SULF1: variants seen among roughly 807,000 people sequenced by gnomAD.
SULF1 encodes the protein sulfatase 1, also known as extracellular sulfatase Sulf-1.
Under a neutral mutation model 110.5 loss-of-function variants are expected in SULF1, and 46 were observed. The observed-to-expected ratio is 0.42, with a 90% CI of 0.33 to 0.53. SULF1 has a LOEUF of 0.53. SULF1 is among the 20% of genes least tolerant of loss of function. SULF1 has a pLI of 0.12. For missense variants in SULF1, 941 were observed against 1,094.2 expected, an observed-to-expected ratio of 0.86 and a Z score of 1.98; for synonymous variants, 371 against 387.1, an observed-to-expected ratio of 0.96 and a Z score of 0.49.
At position 69,494,447 on chromosome 8, in the gene SULF1, CT is replaced by C. The variant is rs536345490; in HGVS notation, c.-390-1311del. ...CATGGGAAATATTATAAAATTATGTCTTTTTTTAGATTCTCTTTAAATGATA... is the reference window on the plus strand; with the variant it reads ...CATGGGAAATATTATAAAATTATGTCTTTTTTAGATTCTCTTTAAATGATA... On this transcript the variant is annotated intron_variant, in intron 1 of 22. Transcript: ENST00000402687. 7.2e-5 allele frequency among the ~76,000 whole-genome samples: 11 copies of C among 152,150 alleles called. No individual in the cohort carries two copies. The South Asian group carries it at 2.3e-3, about 32-fold the overall frequency.
rs184309561 is a variant in SULF1, at chr8:69,513,283, G to A, written c.-134+11315G>A. Among the ~76,000 whole-genome samples, 496 of 152,246 alleles carry A rather than the reference G, an allele frequency of 3.3e-3. 1 individual carries two copies. Among genetic ancestry groups the A allele is most frequent in the African/African-American group, 0.012 (479 of 41,540 alleles). ...CACCTACATAATTTTTCTTCTATTT[G>A]CTTATGTGTTTGAATATCTAAAAGA... is the stretch of plus-strand genomic sequence containing the variant. On this transcript the variant is annotated intron_variant, in intron 3 of 22. Transcript: ENST00000402687.
intron 3 of SULF1, among the ~76,000 whole-genome samples, chr8:69,502,554 A>T (rs1810878109): frequency 6.6e-6 from 1 of 152,128 alleles, no homozygotes. Context: ...TCAAATGTCA[A>T]CTTTGAGAGT....
At chr8:69,531,986 A>T (rs1053720164) in intron 3 of SULF1, among the ~76,000 whole-genome samples, 3 of 152,168 alleles carry the variant, frequency 2.0e-5, no homozygotes, top group Admixed American at 6.6e-5. Context: ...AGAAGCCCTG[A>T]GGCTCAGTTG....
chr8:69,547,182 AGGTGG>A lies in SULF1; in HGVS notation c.-133-16344_-133-16340del, dbSNP rs534509789. ...TTTCTCAAGCTACTGTGGCAGGAGG[AGGTGG>A]GGTGGGGTGGGGGAGGACTAATAAC... On this transcript the variant is annotated intron_variant, in intron 3 of 22. Coordinates refer to ENST00000402687, the MANE Select transcript of SULF1 (RefSeq NM_001128205.2). Among the ~76,000 whole-genome samples the A allele has an allele frequency of 8.4e-3, 1,195 of 142,246 alleles. 10 individuals carry two copies. Among genetic ancestry groups the A allele is most frequent in the Non-Finnish European group, 0.014 (874 of 64,686 alleles). The allele number at this position is 142,246 out of a possible 152,430, so 93.3% of individuals were successfully genotyped here. A position where few individuals can be genotyped will look rare whatever the true frequency, so the allele number is the denominator to read the frequency against.
chr8:69,601,015 C>G (rs1377246099), intron 9 of SULF1, among the ~76,000 whole-genome samples: 1 of 122,838 alleles, frequency 8.1e-6, no homozygotes, highest in Admixed American at 8.7e-5. Context: ...GATCAGGGGC[C>G]ACATCCTCAA....
chr8:69,494,660 AC>A (rs1266878738), intron 1 of SULF1, among the ~76,000 whole-genome samples: 1 of 152,214 alleles, frequency 6.6e-6, no homozygotes, highest in Non-Finnish European at 1.5e-5. Context: ...TCAAAGGCAA[AC>A]TCAATCATAA....
intron 1 of SULF1, among the ~76,000 whole-genome samples, chr8:69,480,305 G>A (rs532385124): frequency 4.5e-4 from 69 of 152,300 alleles, no homozygotes; most frequent in African/African-American, 1.6e-3. Context: ...CTGAGGGACA[G>A]CATGCCATTT....
chr8:69,537,174 G>C (rs1007481195), intron 3 of SULF1, among the ~76,000 whole-genome samples: 9 of 152,214 alleles, frequency 5.9e-5, no homozygotes, highest in African/African-American at 2.2e-4. Flanking sequence ...AAACCCTCCA[G>C]CTGGGCTTTC....
intron 13 of SULF1, among the ~76,000 whole-genome samples, 198 bp downstream of exon 13, chr8:69,605,130 G>C (rs1353640264): frequency 1.3e-5 from 2 of 152,148 alleles, no homozygotes; most frequent in African/African-American, 4.8e-5. Flanking sequence ...ATTACTACTT[G>C]GGCTCCCTCC....
chr8:69,642,392 T>C (rs1586620788), intron 22 of SULF1: 1 of 987,240 alleles, frequency 1.0e-6, no homozygotes, highest in Non-Finnish European at 1.2e-6. Flanking sequence ...GTATATGTTA[T>C]AGCCATGTAT....
intron 22 of SULF1, among the ~76,000 whole-genome samples, chr8:69,656,166 C>T (rs1029990121): frequency 4.6e-5 from 7 of 152,204 alleles, no homozygotes; most frequent in Non-Finnish European, 8.8e-5. Context: ...CTTTTCCATC[C>T]TCATATGCTT....
rs146445328 is a variant in SULF1, at chr8:69,624,163, G to A, written c.1816G>A (p.Val606Met). The change falls in exon 15 of 23, where the codon GTG (valine) becomes ATG (methionine). Residue 606 changes from valine to methionine, a missense_variant. By Grantham distance (21) the Val-to-Met change is conservative (BLOSUM62 1). Coordinates refer to ENST00000402687, the MANE Select transcript of SULF1 (RefSeq NM_001128205.2). The part of the protein sequence containing the change: ...GRMLADSSNA[V>M]GPPTTVRVTH... Reference sequence around the variant, plus strand: ...GATGCTGGCAGATAGCAGCAACGCCGTGGGCCCACCTACCACTGTCCGAGT... The same window carrying A: ...GATGCTGGCAGATAGCAGCAACGCCATGGGCCCACCTACCACTGTCCGAGT... 4.4e-5 allele frequency: 71 copies of A among 1,608,194 alleles called. No individual in the cohort carries two copies. The highest frequency in any genetic ancestry group is 3.7e-4 in the Admixed American group (22 of 59,596).
rs1806513801 is a variant in SULF1 at position 69,586,997 on chromosome 8, T to A, written c.564+489T>A. Among the ~76,000 whole-genome samples the A allele has an allele frequency of 2.6e-5, 4 of 152,208 alleles. No homozygotes were observed. The South Asian group carries it at 6.2e-4, about 24-fold the overall frequency. On this transcript the variant is annotated intron_variant, in intron 7 of 22. Transcript: ENST00000402687. ...CCTGTCTGACCAAGCTTAGTATACGTGACAAGGACACCTTCCCTATCACGG... is the reference window on the plus strand; with the variant it reads ...CCTGTCTGACCAAGCTTAGTATACGAGACAAGGACACCTTCCCTATCACGG...
rs575618911 is a variant in SULF1 at position 69,573,215 on chromosome 8, C to A, written c.173-2755C>A. On this transcript the variant is annotated intron_variant, in intron 5 of 22. Coordinates refer to ENST00000402687, the MANE Select transcript of SULF1 (RefSeq NM_001128205.2). ...CCACTGTTGTCTTGGTTCCTTTTGACGTGTGGACTGGTGGGAGCCAGGGCA... is the reference window on the plus strand; with the variant it reads ...CCACTGTTGTCTTGGTTCCTTTTGAAGTGTGGACTGGTGGGAGCCAGGGCA... Among the ~76,000 whole-genome samples the A allele has an allele frequency of 7.2e-5, 11 of 152,240 alleles. 1 individual carries two copies. In the South Asian group the frequency reaches 2.3e-3, roughly 32 times the overall value.
At chr8:69,607,884 C>G (rs1315281129) in intron 13 of SULF1, among the ~76,000 whole-genome samples, 1 of 152,172 alleles carries the variant, frequency 6.6e-6, no homozygotes. Flanking sequence ...TCCTGACATG[C>G]GCCCTGCTTC....
intron 3 of SULF1, among the ~76,000 whole-genome samples, chr8:69,557,389 A>T (rs942318168): frequency 1.3e-5 from 2 of 152,222 alleles, no homozygotes; most frequent in African/African-American, 2.4e-5. Context: ...ATCTGAAAGA[A>T]GCTGGACAAA....
chr8:69,586,417 A>C lies in SULF1; in HGVS notation c.473A>C (p.Glu158Ala). 1 of 1,611,560 alleles carries C rather than the reference A, an allele frequency of 6.2e-7. No homozygotes were observed. The highest frequency in any genetic ancestry group is 8.5e-7 in the Non-Finnish European group (1 of 1,179,254). The change falls in exon 7 of 23, where the codon GAA becomes GCA. Residue 158 changes from glutamate to alanine, a missense_variant. By Grantham distance (107) the Glu-to-Ala change is moderately radical. Coordinates refer to ENST00000402687, the MANE Select transcript of SULF1 (RefSeq NM_001128205.2). ...NGSYIPPGWR[E>A]WLGLIKNSRF... ...AGCTACATCCCCCCTGGGTGGCGAG[A>C]ATGGCTTGGATTAATCAAGAATTCT...
chr8:69,589,146 G>A lies in SULF1; in HGVS notation c.734+5G>A. Reference sequence around the variant, plus strand: ...CCCCAATGCTTCCCAACACATGTAAGTAACAAACTCAACTCTGCGACCTGC... The same window carrying A: ...CCCCAATGCTTCCCAACACATGTAAATAACAAACTCAACTCTGCGACCTGC... On this transcript the variant is annotated splice_donor_5th_base_variant and intron_variant, in intron 8 of 22. Transcript: ENST00000402687. The A allele has an allele frequency of 6.2e-7, 1 of 1,611,490 alleles. No homozygotes were observed. The highest frequency in any genetic ancestry group is 1.1e-5 in the South Asian group (1 of 90,938).
chr8:69,479,022 G>C (rs538751256), intron 1 of SULF1, among the ~76,000 whole-genome samples: 103 of 152,298 alleles, frequency 6.8e-4, no homozygotes, highest in African/African-American at 2.5e-3. Context: ...ACCATCTCAT[G>C]CACTGATTCT....
Sources: allele counts gnomAD v4.1 joint callset (sites outside exome capture counted in the v4.1 genomes callset), GRCh38; gene constraint gnomAD v4.1.1; transcripts MANE v1.5; gene names NCBI Gene and HGNC (gene_info 2026-07-23, HGNC 2026-07-21).